The following TIAM2 variants were observed in gnomAD, a reference collection of about 807,000 sequenced individuals.
TIAM2 encodes rho guanine nucleotide exchange factor TIAM2.
A neutral mutation model predicts 152.9 loss-of-function variants in TIAM2; 80 were observed. That is an observed-to-expected ratio of 0.52 (90% CI 0.44 to 0.63). The LOEUF is 0.63. Ranked by LOEUF, TIAM2 falls within the 30% of genes least tolerant of loss-of-function variation. TIAM2 has a pLI of 0.00. For missense variants in TIAM2, 1,965 were observed against 2,120.1 expected, an observed-to-expected ratio of 0.93 and a Z score of 1.44; for synonymous variants, 804 against 838.0, an observed-to-expected ratio of 0.96 and a Z score of 0.70.
At chr6:155,043,191 C>T (rs1777086114) in intron 1 of TIAM2, among the ~76,000 whole-genome samples, 1 of 152,154 alleles carries the variant, frequency 6.6e-6, no homozygotes, top group Admixed American at 6.5e-5. Flanking sequence ...TGTGCACTCA[C>T]CTGCTGCCCT....
intron 2 of TIAM2, among the ~76,000 whole-genome samples, chr6:155,104,168 TG>T (rs773365853): frequency 1.5e-4 from 23 of 151,138 alleles, no homozygotes; most frequent in Non-Finnish European, 3.1e-4. Context: ...TGTGGTTACT[TG>T]GGTGGTACAT....
chr6:155,138,068 T>C (rs181816487), intron 5 of TIAM2, among the ~76,000 whole-genome samples: 8 of 152,318 alleles, frequency 5.3e-5, no homozygotes, highest in Admixed American at 5.2e-4. Flanking sequence ...TCATAACTCC[T>C]GACCTCAAGC....
At chr6:155,036,959 G>A (rs1460999086) in intron 1 of TIAM2, among the ~76,000 whole-genome samples, 1 of 152,150 alleles carries the variant, frequency 6.6e-6, no homozygotes, top group African/African-American at 2.4e-5. Context: ...ATTATTGTTA[G>A]AGTCAGGGCC....
At chr6:155,072,112 T>A (rs1304232091) in intron 1 of TIAM2, among the ~76,000 whole-genome samples, 3 of 151,084 alleles carry the variant, frequency 2.0e-5, no homozygotes, top group Admixed American at 2.0e-4. Context: ...TTTACATTGG[T>A]GGCTGGGAGG....
Position 155,148,172 on chromosome 6 carries a change from T to A in TIAM2, c.1866T>A (p.Leu622=). The A allele has an allele frequency of 6.2e-7, 1 of 1,613,618 alleles. No individual in the cohort carries two copies. The highest frequency in any genetic ancestry group is 8.5e-7 in the Non-Finnish European group (1 of 1,180,008). Residue 622 remains leucine (L), a synonymous_variant, in exon 7 of 27, where the codon CTT becomes CTA. Coordinates refer to ENST00000682666, the MANE Select transcript of TIAM2 (RefSeq NM_012454.4). ...CTGTACACTCTGCTTGTGCATCCCTTTTTGCAAAGAAGCATGGGAAAGAGG... is the reference window on the plus strand; with the variant it reads ...CTGTACACTCTGCTTGTGCATCCCTATTTGCAAAGAAGCATGGGAAAGAGG... ...VTAVHSACAS[L]FAKKHGKEDT...
intron 7 of TIAM2, among the ~76,000 whole-genome samples, chr6:155,161,797 T>G (rs1001124843): frequency 6.6e-6 from 1 of 151,918 alleles, no homozygotes; most frequent in Non-Finnish European, 1.5e-5. Flanking sequence ...AGGCTGGTCT[T>G]GAACTCCTGA....
intron 14 of TIAM2, among the ~76,000 whole-genome samples, chr6:155,193,613 A>G (rs896204431): frequency 6.6e-6 from 1 of 152,182 alleles, no homozygotes; most frequent in Non-Finnish European, 1.5e-5. Flanking sequence ...AAAGACAGTT[A>G]GTTCCGCTCC....
intron 9 of TIAM2, among the ~76,000 whole-genome samples, chr6:155,172,596 C>T (rs1311910872): frequency 7.6e-6 from 1 of 131,586 alleles, no homozygotes; most frequent in African/African-American, 2.7e-5. Context: ...TTTCTGTCTC[C>T]ATTTGCATTC....
chr6:155,090,013 C>A (rs1480565164), intron 1 of TIAM2, among the ~76,000 whole-genome samples: 1 of 152,136 alleles, frequency 6.6e-6, no homozygotes, highest in Non-Finnish European at 1.5e-5. Flanking sequence ...TTTCTCTCTC[C>A]CCTCCCTCCA....
At chr6:155,082,559 A>T (rs1177481403) in intron 1 of TIAM2, among the ~76,000 whole-genome samples, 1 of 152,022 alleles carries the variant, frequency 6.6e-6, no homozygotes, top group Non-Finnish European at 1.5e-5. Flanking sequence ...CTAAGGCAGG[A>T]GAATCACTTG....
In TIAM2 at chr6:155,257,046, A is replaced by C. The variant is rs748478638; in HGVS notation, c.5031A>C (p.Glu1677Asp). 6.2e-7 allele frequency: 1 copy of C among 1,614,192 alleles called. No individual in the cohort carries two copies. Among genetic ancestry groups the C allele is most frequent in the Admixed American group, 1.7e-5 (1 of 60,030 alleles). Reference protein sequence around the residue: ...TIDLNSVLEREFSVQSLTSVV... With the variant: ...TIDLNSVLERDFSVQSLTSVV... ...ACCTAAATTCTGTTCTAGAGCGAGA[A>C]TTCAGTGTCCAGAGTTTAACATCTG... The change falls in exon 27 of 27, where the codon GAA becomes GAC. Residue 1677 changes from glutamate (E) to aspartate (D), a missense_variant. Physicochemically the swap from Glu to Asp is conservative, Grantham distance 45. Transcript: ENST00000682666.
chr6:155,000,760 G>A (rs1278300399), intron 1 of TIAM2, among the ~76,000 whole-genome samples: 2 of 152,196 alleles, frequency 1.3e-5, no homozygotes, highest in Non-Finnish European at 2.9e-5. Flanking sequence ...CGACGCTGGG[G>A]ATCACTTGAG....
At chr6:155,256,135 G>A in intron 26 of TIAM2, 1 of 429,646 alleles carries the variant, frequency 2.3e-6, no homozygotes, top group Non-Finnish European at 4.1e-6. Flanking sequence ...GCACCTTAGT[G>A]AAAGAAAGGA....
At chr6:155,243,979 C>T (rs1783186432) in intron 16 of TIAM2, 32 bp from the exon 17 acceptor site, 4 of 1,589,200 alleles carry the variant, frequency 2.5e-6, no homozygotes, top group Middle Eastern at 1.7e-4. Context: ...GAGACTAAAG[C>T]GTTGAAGACA....
intron 1 of TIAM2, among the ~76,000 whole-genome samples, chr6:155,083,151 C>A (rs113945972): frequency 6.6e-6 from 1 of 151,858 alleles, no homozygotes; most frequent in Non-Finnish European, 1.5e-5. Context: ...AGTTCAAGAC[C>A]AGCTCGGTGA....
chr6:155,171,852 G>A (rs1054882750), intron 9 of TIAM2, among the ~76,000 whole-genome samples: 3 of 152,140 alleles, frequency 2.0e-5, no homozygotes, highest in East Asian at 1.9e-4. Context: ...AACTGGGAGC[G>A]TGCAACTCCC....
Position 155,182,671 on chromosome 6 carries a change from G to C in TIAM2, c.2800+353G>C, listed in dbSNP as rs936400053. 5.3e-5 allele frequency among the ~76,000 whole-genome samples: 8 copies of C among 152,106 alleles called. No homozygotes were observed. The East Asian group carries it at 1.5e-3, about 29-fold the overall frequency. ...ATAGAGAGAGCATGTGTGTGTGTGTGTTTAAAAGAGTAAGTGTATACATAT... is the reference window on the plus strand; with the variant it reads ...ATAGAGAGAGCATGTGTGTGTGTGTCTTTAAAAGAGTAAGTGTATACATAT... On this transcript the variant is annotated intron_variant, in intron 13 of 26. Coordinates refer to ENST00000682666, the MANE Select transcript of TIAM2 (RefSeq NM_012454.4).
At chr6:154,997,086 C>T (rs1184946157) in intron 1 of TIAM2, among the ~76,000 whole-genome samples, 2 of 152,158 alleles carry the variant, frequency 1.3e-5, no homozygotes, top group African/African-American at 4.8e-5. Flanking sequence ...TGGCTCTCCC[C>T]CGCTTGCACA....
At chr6:155,179,924 T>A (rs1444662556) in intron 12 of TIAM2, among the ~76,000 whole-genome samples, 3 of 152,212 alleles carry the variant, frequency 2.0e-5, no homozygotes, top group Non-Finnish European at 4.4e-5. Context: ...CTCAAGGTCT[T>A]TCTTGAAGAA....
Sources: gnomAD v4.1 joint callset for allele counts (sites outside exome capture counted in the v4.1 genomes callset) on GRCh38, gnomAD v4.1.1 for gene constraint, MANE v1.5 for transcripts, NCBI Gene and HGNC (gene_info 2026-07-23, HGNC 2026-07-21) for gene names.